Variants in ADGRL3 observed in about 807,000 individuals in gnomAD.
ADGRL3 encodes the protein adhesion G protein-coupled receptor L3, also known as calcium-independent alpha-latrotoxin receptor 3.
Under a neutral mutation model 153.5 loss-of-function variants are expected in ADGRL3, and 62 were observed. That is an observed-to-expected ratio of 0.40 (90% CI 0.33 to 0.50). The LOEUF (loss-of-function observed/expected upper bound fraction) is 0.50. Among genes scored for constraint, ADGRL3 ranks in the 20% least tolerant of loss-of-function variants. The pLI, the probability that ADGRL3 is intolerant of heterozygous loss-of-function variation, is 0.47. For missense variants in ADGRL3, 1,641 were observed against 1,859.4 expected (o/e 0.88, Z 2.16); for synonymous variants, 710 against 672.5 (o/e 1.06, Z -0.86).
chr4:61,647,586 G>GA (rs2094075557), intron 5 of ADGRL3, among the ~76,000 whole-genome samples: 2 of 151,894 alleles, frequency 1.3e-5, no homozygotes, highest in African/African-American at 4.8e-5. Context: ...GATTTTTAGA[G>GA]GATTATGAGA....
At chr4:61,649,152 A>G (rs533758248) in intron 5 of ADGRL3, among the ~76,000 whole-genome samples, 3 of 152,166 alleles carry the variant, frequency 2.0e-5, no homozygotes, top group Admixed American at 2.0e-4. Flanking sequence ...TTGGAAATGC[A>G]TGCTAGTAAA....
At chr4:61,247,034 T>C (rs1038580861) in intron 1 of ADGRL3, among the ~76,000 whole-genome samples, 2 of 152,060 alleles carry the variant, frequency 1.3e-5, no homozygotes, top group Non-Finnish European at 2.9e-5. Context: ...AATATAACAA[T>C]GTGAGATTGA....
chr4:61,743,000 AT>A (rs112125226), intron 8 of ADGRL3, among the ~76,000 whole-genome samples: 14,085 of 145,638 alleles, frequency 0.097, 1,473 homozygotes, highest in African/African-American at 0.26. Context: ...TTAGCCTTAA[AT>A]TTTTTTTTTT....
intron 18 of ADGRL3, among the ~76,000 whole-genome samples, chr4:61,982,102 C>G (rs549178914): frequency 6.6e-6 from 1 of 152,220 alleles, no homozygotes; most frequent in South Asian, 2.1e-4. Context: ...TCATTTTATT[C>G]TCTTGTTAGC....
chr4:61,220,112 C>CA (rs71211371), intron 1 of ADGRL3, among the ~76,000 whole-genome samples: 29 of 135,768 alleles, frequency 2.1e-4, no homozygotes, highest in African/African-American at 8.1e-4. Context: ...AAATCTGTCT[C>CA]AAAAAAAAAA....
intron 9 of ADGRL3, among the ~76,000 whole-genome samples, chr4:61,851,951 T>C (rs906596162): frequency 1.3e-5 from 2 of 152,210 alleles, no homozygotes; most frequent in Non-Finnish European, 2.9e-5. Flanking sequence ...GAACTGATTA[T>C]GTCATCACGC....
At chr4:61,717,104 T>C (rs2096131462) in intron 6 of ADGRL3, among the ~76,000 whole-genome samples, 1 of 152,004 alleles carries the variant, frequency 6.6e-6, no homozygotes, top group Non-Finnish European at 1.5e-5. Flanking sequence ...CTCATAAATC[T>C]CAGAAACCTA....
chr4:61,309,932 A>G (rs2094935069), intron 1 of ADGRL3, among the ~76,000 whole-genome samples: 1 of 152,012 alleles, frequency 6.6e-6, no homozygotes, highest in Non-Finnish European at 1.5e-5. Flanking sequence ...TTACATGTAT[A>G]AGGAACTCAC....
At chr4:61,306,479 G>A (rs537782981) in intron 1 of ADGRL3, among the ~76,000 whole-genome samples, 1 of 152,090 alleles carries the variant, frequency 6.6e-6, no homozygotes, top group South Asian at 2.1e-4. Flanking sequence ...GGCCATGTAG[G>A]CATTACACTG....
intron 15 of ADGRL3, among the ~76,000 whole-genome samples, chr4:61,936,395 AT>A (rs1322075062): frequency 1.3e-5 from 2 of 152,094 alleles, no homozygotes; most frequent in Middle Eastern, 3.2e-3. Context: ...AAAATTTTTA[AT>A]GTAAATTTTA....
chr4:61,569,213 T>A (rs2098828673), intron 4 of ADGRL3, among the ~76,000 whole-genome samples: 1 of 152,222 alleles, frequency 6.6e-6, no homozygotes, highest in Non-Finnish European at 1.5e-5. Flanking sequence ...TGCTTTTTCA[T>A]AATACATGTT....
chr4:61,741,241 A>G (rs2096577417), intron 8 of ADGRL3, among the ~76,000 whole-genome samples: 1 of 152,188 alleles, frequency 6.6e-6, no homozygotes, highest in African/African-American at 2.4e-5. Context: ...GGAGCCTAAA[A>G]GTAGTAGGAT....
At chr4:61,561,465 C>T (rs919490811) in intron 4 of ADGRL3, among the ~76,000 whole-genome samples, 1 of 151,988 alleles carries the variant, frequency 6.6e-6, no homozygotes, top group African/African-American at 2.4e-5. Flanking sequence ...CCAAAGCTTC[C>T]AGGAAGAAAA....
intron 13 of ADGRL3, among the ~76,000 whole-genome samples, chr4:61,923,544 G>A (rs1047675575): frequency 1.3e-5 from 2 of 152,094 alleles, no homozygotes; most frequent in Admixed American, 1.3e-4. Context: ...TACACTGCCA[G>A]GAGATGTAAA....
chr4:61,418,600 T>C (rs2097170118), intron 2 of ADGRL3, among the ~76,000 whole-genome samples: 1 of 150,808 alleles, frequency 6.6e-6, no homozygotes, highest in Non-Finnish European at 1.5e-5. Flanking sequence ...ATAATACAGA[T>C]TGATAAATTC....
At chr4:61,470,005 T>C (rs1046742278) in intron 2 of ADGRL3, among the ~76,000 whole-genome samples, 1 of 152,032 alleles carries the variant, frequency 6.6e-6, no homozygotes, top group Non-Finnish European at 1.5e-5. Context: ...GATGCTTTAT[T>C]TATCATTATA....
At chr4:61,261,900 T>G (rs947929863) in intron 1 of ADGRL3, among the ~76,000 whole-genome samples, 3 of 152,096 alleles carry the variant, frequency 2.0e-5, no homozygotes, top group African/African-American at 7.2e-5. Flanking sequence ...TGTGTGAAGT[T>G]CCAAAACTAA....
In ADGRL3 at chr4:61,884,541, G is replaced by A. The variant is rs370144076; in HGVS notation, c.1481-8115G>A. On this transcript the variant is annotated intron_variant, in intron 9 of 26. Coordinates refer to ENST00000683033, the MANE Select transcript of ADGRL3 (RefSeq NM_001387552.1). ...CCTTACTTAGGGGATTTAAACTGCCGTAAACAAAAATAAATTAGCTCTATA... is the reference window on the plus strand; with the variant it reads ...CCTTACTTAGGGGATTTAAACTGCCATAAACAAAAATAAATTAGCTCTATA... Among the ~76,000 whole-genome samples, 4 of 152,062 alleles carry A rather than the reference G, an allele frequency of 2.6e-5. No individual in the cohort carries two copies. In the East Asian group the frequency reaches 5.8e-4, roughly 22 times the overall value.
rs944365995 is a variant in ADGRL3, at chr4:61,917,609, A to C, written c.2112+4852A>C. Among the ~76,000 whole-genome samples the C allele has an allele frequency of 2.0e-5, 3 of 149,738 alleles. No homozygotes were observed. The South Asian group carries it at 6.2e-4, about 31-fold the overall frequency. On this transcript the variant is annotated intron_variant, in intron 13 of 26. Transcript: ENST00000683033. ...CCAGTTGCTCCACAACCTCACCAAC[A>C]CATGTGATTTTCTGTCTTTCTTATT...
Sources: allele counts gnomAD v4.1 joint callset (sites outside exome capture counted in the v4.1 genomes callset), GRCh38; gene constraint gnomAD v4.1.1; transcripts MANE v1.5; gene names NCBI Gene and HGNC (gene_info 2026-07-23, HGNC 2026-07-21).